TMEM131: variants seen among roughly 807,000 people sequenced by gnomAD.
TMEM131 encodes the protein transmembrane protein 131.
A neutral mutation model predicts 211.6 loss-of-function variants in TMEM131; 66 were observed. That is an observed-to-expected ratio of 0.31 (90% CI 0.26 to 0.38). TMEM131 has a LOEUF of 0.38. TMEM131 is among the 10% of genes least tolerant of loss of function. The pLI is 1.00. For synonymous variants in TMEM131, 844 were observed against 841.3 expected (o/e 1.00, Z -0.06); for missense variants, 2,036 against 2,299.3 (o/e 0.89, Z 2.34).
At chr2:97,971,428 G>C (rs1679290682) in intron 1 of TMEM131, among the ~76,000 whole-genome samples, 1 of 152,176 alleles carries the variant, frequency 6.6e-6, no homozygotes, top group South Asian at 2.1e-4. Flanking sequence ...ATATAAGACA[G>C]TTGATACTGA....
chr2:97,857,267 C>T lies in TMEM131; in HGVS notation c.483+2037G>A, dbSNP rs144394300. On this transcript the variant is annotated intron_variant, in intron 5 of 40. Coordinates refer to ENST00000186436, the MANE Select transcript of TMEM131 (RefSeq NM_015348.2). ...GCTTAGACTCCCAACATGGTAACCACTGGGCTGGAGCCCGGTGGGGGCTGA... is the reference window on the plus strand; with the variant it reads ...GCTTAGACTCCCAACATGGTAACCATTGGGCTGGAGCCCGGTGGGGGCTGA... Among the ~76,000 whole-genome samples the T allele has an allele frequency of 1.4e-3, 213 of 152,314 alleles. 1 individual carries two copies. Among genetic ancestry groups the T allele is most frequent in the African/African-American group, 4.9e-3 (202 of 41,572 alleles).
At position 97,792,647 on chromosome 2, in the gene TMEM131, G is replaced by A. The variant is rs757726353; in HGVS notation, c.3883C>T (p.His1295Tyr). Reference protein sequence around the residue: ...QSQHGSQHHAHSPLEQHPQPP... With the variant: ...QSQHGSQHHAYSPLEQHPQPP... ...TGAGGGTGCTGCTCCAGCGGGCTGTGGGCATGGTGCTGGCTGCCGTGCTGG... is the reference window on the plus strand; with the variant it reads ...TGAGGGTGCTGCTCCAGCGGGCTGTAGGCATGGTGCTGGCTGCCGTGCTGG... Residue 1295 changes from histidine (H) to tyrosine (Y), a missense_variant, in exon 31 of 41, where the codon CAC becomes TAC. Coordinates refer to ENST00000186436, the MANE Select transcript of TMEM131 (RefSeq NM_015348.2). 1.2e-6 allele frequency: 2 copies of A among 1,613,720 alleles called. No individual in the cohort carries two copies. Among genetic ancestry groups the A allele is most frequent in the Non-Finnish European group, 1.7e-6 (2 of 1,179,822 alleles).
In TMEM131 at chr2:97,797,515, G is replaced by A; in HGVS notation, c.2720C>T (p.Ala907Val). 1 of 1,606,214 alleles carries A rather than the reference G, an allele frequency of 6.2e-7. No individual in the cohort carries two copies. The highest frequency in any genetic ancestry group is 1.1e-5 in the South Asian group (1 of 89,552). Residue 907 changes from alanine (A) to valine (V), a missense_variant and splice_region_variant, in exon 26 of 41, where the codon GCT (alanine) becomes GTT (valine). This residue lies in a region of TMEM131 where 1,623 missense variants were observed against 1,805.9 expected (regional missense o/e 0.90). Coordinates refer to ENST00000186436, the MANE Select transcript of TMEM131 (RefSeq NM_015348.2). ...TLEFQVFRNS[A>V]HPLQSSTGFM... ...TCCTGTTGAACTCTGCAGTGGATGA[G>A]CCTTGAATCATTGGGTAAACAGAGA... is the stretch of plus-strand genomic sequence containing the variant.
In TMEM131 at chr2:97,818,463, C is replaced by G. The variant is rs1172374191; in HGVS notation, c.1183+150G>C. 7 of 283,896 alleles carry G rather than the reference C, an allele frequency of 2.5e-5. No homozygotes were observed. The Admixed American group carries it at 3.6e-4, about 15-fold the overall frequency. The allele number at this position is 283,896 out of a possible 1,614,324, so 17.6% of individuals were successfully genotyped here. Reference sequence around the variant, plus strand: ...AGTAAGAGTTCATGATGGTTTACAGCGGGGGGGGGCGGGGGGGGATCAACC... The same window carrying G: ...AGTAAGAGTTCATGATGGTTTACAGGGGGGGGGGGCGGGGGGGGATCAACC... On this transcript the variant is annotated intron_variant, in intron 12 of 40. Coordinates refer to ENST00000186436, the MANE Select transcript of TMEM131 (RefSeq NM_015348.2).
At position 97,805,104 on chromosome 2, in the gene TMEM131, C is replaced by T. The variant is rs376839837; in HGVS notation, c.2386G>A (p.Glu796Lys). The T allele has an allele frequency of 1.3e-4, 207 of 1,611,544 alleles. No homozygotes were observed. Among genetic ancestry groups the T allele is most frequent in the Non-Finnish European group, 1.7e-4 (202 of 1,179,026 alleles). Residue 796 changes from glutamate (E) to lysine (K), a missense_variant, in exon 22 of 41, where the codon GAA becomes AAA. This residue lies in a region of TMEM131 where 1,623 missense variants were observed against 1,805.9 expected (regional missense o/e 0.90). Coordinates refer to ENST00000186436, the MANE Select transcript of TMEM131 (RefSeq NM_015348.2). The stretch of plus-strand genomic sequence containing the variant: ...ACCACTCACCTATGACCTGAATTTT[C>T]CTTTATTCCTGTCCATCCCTTGAAC... The part of the protein sequence containing the change: ...SLFKGWTGIK[E>K]NSGHRLSAIF...
chr2:97,983,194 T>C (rs1323730163), intron 1 of TMEM131, among the ~76,000 whole-genome samples: 2 of 152,286 alleles, frequency 1.3e-5, no homozygotes, highest in South Asian at 2.1e-4. Flanking sequence ...TTTGTTATCA[T>C]TTCTACGTTT....
intron 31 of TMEM131, among the ~76,000 whole-genome samples, chr2:97,780,838 C>T (rs11692010): frequency 0.33 from 50,643 of 151,954 alleles, 9,300 homozygotes; most frequent in Non-Finnish European, 0.39. Context: ...ATGGTACAAG[C>T]TGAATGGAGA....
At chr2:97,965,770 T>C (rs1223363259) in intron 1 of TMEM131, among the ~76,000 whole-genome samples, 1 of 151,890 alleles carries the variant, frequency 6.6e-6, no homozygotes, top group Non-Finnish European at 1.5e-5. Flanking sequence ...ATTTAGATTG[T>C]GTAAAATTAC....
At chr2:97,994,068 G>C (rs775745974) in intron 1 of TMEM131, among the ~76,000 whole-genome samples, 21 of 152,142 alleles carry the variant, frequency 1.4e-4, no homozygotes, top group Non-Finnish European at 2.9e-4. Context: ...TACCCACCAA[G>C]GTCTACTTGA....
intron 1 of TMEM131, among the ~76,000 whole-genome samples, chr2:97,977,179 C>A (rs1679578721): frequency 6.6e-6 from 1 of 152,086 alleles, no homozygotes; most frequent in African/African-American, 2.4e-5. Context: ...TTGATTCAAT[C>A]AATTAAAAAC....
At chr2:97,887,503 G>GGTATATTAGCTGCTTTGCTGGCCCTTGT (rs1332839279) in intron 4 of TMEM131, among the ~76,000 whole-genome samples, 38 of 152,274 alleles carry the variant, frequency 2.5e-4, no homozygotes, top group Admixed American at 8.5e-4. Flanking sequence ...CTGGCCCTTG[G>GGTATATTAGCTGCTTTGCTGGCCCTTGT]GTATATTAGC....
intron 4 of TMEM131, among the ~76,000 whole-genome samples, chr2:97,882,101 G>C: frequency 6.6e-6 from 1 of 152,150 alleles, no homozygotes; most frequent in Non-Finnish European, 1.5e-5. Context: ...AAATTACTAA[G>C]CAAATTCTTT....
chr2:97,995,044 C>G (rs1399429871), intron 1 of TMEM131, among the ~76,000 whole-genome samples: 2 of 152,224 alleles, frequency 1.3e-5, no homozygotes, highest in Admixed American at 1.3e-4. Flanking sequence ...GAAGAAATGT[C>G]TGAACAAATT....
intron 1 of TMEM131, among the ~76,000 whole-genome samples, chr2:97,983,381 TTTCAGGTCTC>T (rs1679884571): frequency 6.6e-6 from 1 of 152,192 alleles, no homozygotes; most frequent in South Asian, 2.1e-4. Context: ...TGAACTAGTT[TTTCAGGTCTC>T]TTCGGGTCTC....
intron 31 of TMEM131, among the ~76,000 whole-genome samples, chr2:97,788,827 T>C (rs572776236): frequency 1.3e-5 from 2 of 152,296 alleles, no homozygotes; most frequent in South Asian, 2.1e-4. Context: ...CTCAGCTCTA[T>C]AGGCTTTCTG....
intron 4 of TMEM131, among the ~76,000 whole-genome samples, chr2:97,881,611 G>C (rs1008519185): frequency 6.8e-6 from 1 of 147,552 alleles, no homozygotes; most frequent in Non-Finnish European, 1.5e-5. Context: ...CCCTTGAACA[G>C]ACCACAAGCA....
intron 11 of TMEM131, 137 bp from the exon 12 acceptor site, chr2:97,818,858 A>G (rs1681977084): frequency 1.7e-6 from 1 of 576,680 alleles, no homozygotes; most frequent in Non-Finnish European, 3.1e-6. Flanking sequence ...TTGTCCCTTT[A>G]AATGGAGTAG....
chr2:97,932,415 T>A (rs1268660429), intron 1 of TMEM131, among the ~76,000 whole-genome samples: 2 of 152,176 alleles, frequency 1.3e-5, no homozygotes, highest in Non-Finnish European at 2.9e-5. Context: ...GGAACTCATA[T>A]AAACCATATT....
At chr2:97,908,902 G>T (rs1408232711) in intron 2 of TMEM131, among the ~76,000 whole-genome samples, 3 of 152,158 alleles carry the variant, frequency 2.0e-5, no homozygotes, top group Non-Finnish European at 4.4e-5. Flanking sequence ...GTAATGCGAT[G>T]GATTTTTAAA....
Sources: gnomAD v4.1 joint callset for allele counts (sites outside exome capture counted in the v4.1 genomes callset) on GRCh38, gnomAD v4.1.1 for gene constraint, gnomAD v4.1.1 regional missense constraint, MANE v1.5 for transcripts, NCBI Gene and HGNC (gene_info 2026-07-23, HGNC 2026-07-21) for gene names.